The following ANKS1B variants were observed in gnomAD, a reference collection of about 807,000 sequenced individuals.
ANKS1B encodes the protein ankyrin repeat and sterile alpha motif domain containing 1B, also known as ankyrin repeat and sterile alpha motif domain-containing protein 1B.
In ANKS1B, 36 loss-of-function variants were observed where a neutral mutation model predicts 148.3. The observed-to-expected ratio is 0.24, with a 90% CI of 0.19 to 0.32. The LOEUF is 0.32. ANKS1B is among the 10% of genes least tolerant of loss of function. The pLI is 1.00. For missense variants in ANKS1B, 1,157 were observed against 1,542.6 expected, an observed-to-expected ratio of 0.75 and a Z score of 4.19; for synonymous variants, 542 against 560.8, an observed-to-expected ratio of 0.97 and a Z score of 0.47.
chr12:99,265,795 C>T (rs904596619), intron 12 of ANKS1B, among the ~76,000 whole-genome samples: 13 of 152,080 alleles, frequency 8.5e-5, no homozygotes, highest in African/African-American at 2.7e-4. Context: ...CCTCACTGCC[C>T]CCATGTATTT....
Position 99,933,021 on chromosome 12 carries a change from T to C in ANKS1B, c.134+51083A>G, listed in dbSNP as rs532771245. On this transcript the variant is annotated intron_variant, in intron 1 of 26. Transcript: ENST00000683438. Reference sequence around the variant, plus strand: ...CCAGCACCATTTACTGAAGAGACTGTCTTTTTCCCCAATGTACGTTCTGGC... The same window carrying C: ...CCAGCACCATTTACTGAAGAGACTGCCTTTTTCCCCAATGTACGTTCTGGC... 2.6e-5 allele frequency among the ~76,000 whole-genome samples: 4 copies of C among 152,282 alleles called. No individual in the cohort carries two copies. The South Asian group carries it at 8.3e-4, about 32-fold the overall frequency.
intron 8 of ANKS1B, among the ~76,000 whole-genome samples, chr12:99,675,184 T>G (rs1265788035): frequency 6.6e-6 from 1 of 152,014 alleles, no homozygotes; most frequent in African/African-American, 2.4e-5. Flanking sequence ...AAAGAATCTT[T>G]AAAAAGTTTC....
chr12:99,782,580 C>G (rs897976315), intron 4 of ANKS1B, among the ~76,000 whole-genome samples: 2 of 151,994 alleles, frequency 1.3e-5, no homozygotes, highest in Non-Finnish European at 2.9e-5. Context: ...AATAAATAGC[C>G]ATTTGACTTT....
intron 8 of ANKS1B, among the ~76,000 whole-genome samples, chr12:99,739,566 C>G (rs10860501): frequency 0.44 from 66,394 of 151,822 alleles, 14,929 homozygotes; most frequent in South Asian, 0.61. Context: ...AATTAAATAA[C>G]ATGTTCTAAA....
intron 12 of ANKS1B, among the ~76,000 whole-genome samples, chr12:99,261,201 A>G (rs1339827258): frequency 1.3e-5 from 2 of 152,050 alleles, no homozygotes; most frequent in Admixed American, 6.6e-5. Flanking sequence ...CAAAATCTCT[A>G]CCTTCCTGAA....
chr12:99,443,407 A>G (rs2095582656), intron 11 of ANKS1B, among the ~76,000 whole-genome samples: 1 of 151,996 alleles, frequency 6.6e-6, no homozygotes, highest in African/African-American at 2.4e-5. Flanking sequence ...GTTGTGAGAG[A>G]AAAATGATGT....
chr12:98,929,490 A>G (rs1256736192), intron 17 of ANKS1B, among the ~76,000 whole-genome samples: 1 of 152,268 alleles, frequency 6.6e-6, no homozygotes, highest in Non-Finnish European at 1.5e-5. Context: ...AGTAAGAAGA[A>G]CAAAGATGAA....
At chr12:99,818,032 T>C (rs2082086626) in intron 2 of ANKS1B, among the ~76,000 whole-genome samples, 1 of 151,726 alleles carries the variant, frequency 6.6e-6, no homozygotes, top group Non-Finnish European at 1.5e-5. Flanking sequence ...AATACAAAAA[T>C]TCAGTGAAAA....
Position 99,302,550 on chromosome 12 carries a change from C to T in ANKS1B, c.1757-55686G>A, listed in dbSNP as rs76669071. On this transcript the variant is annotated intron_variant, in intron 12 of 26. Coordinates refer to ENST00000683438, the MANE Select transcript of ANKS1B (RefSeq NM_001352186.2). ...GTTATTCAGATTTTTAGACAAGAAA[C>T]GAATGGGGGATTCAGATGACATTGT... 3.4e-3 allele frequency among the ~76,000 whole-genome samples: 518 copies of T among 152,128 alleles called. 33 individuals are homozygous for T. The East Asian group carries it at 0.083, about 24-fold the overall frequency.
At chr12:98,777,527 C>T (rs10777946) in intron 24 of ANKS1B, among the ~76,000 whole-genome samples, 70,364 of 152,052 alleles carry the variant, frequency 0.46, 17,250 homozygotes, top group African/African-American at 0.64. Context: ...AAGAAGGGTC[C>T]GTTACTAAAC....
At chr12:99,890,900 T>C (rs193081340) in intron 1 of ANKS1B, among the ~76,000 whole-genome samples, 1 of 152,176 alleles carries the variant, frequency 6.6e-6, no homozygotes, top group African/African-American at 2.4e-5. Flanking sequence ...AGGTGTTCAT[T>C]GAAAAAAACA....
chr12:99,383,490 T>A (rs1356776177), intron 12 of ANKS1B, among the ~76,000 whole-genome samples: 1 of 152,248 alleles, frequency 6.6e-6, no homozygotes, highest in Non-Finnish European at 1.5e-5. Context: ...TTTCAGTTCC[T>A]TGACCATATC....
chr12:99,636,594 A>C (rs191798075), intron 9 of ANKS1B, among the ~76,000 whole-genome samples: 76 of 152,212 alleles, frequency 5.0e-4, no homozygotes, highest in African/African-American at 1.8e-3. Flanking sequence ...AAAACCAGAA[A>C]ATTTTTTTTA....
chr12:98,931,683 T>A (rs188880628), intron 17 of ANKS1B: 8 of 152,308 alleles, frequency 5.3e-5, no homozygotes, highest in Non-Finnish European at 1.2e-4. Flanking sequence ...TAGACACTTT[T>A]GTGTGTGACA....
Position 99,405,649 on chromosome 12 carries a change from G to T in ANKS1B, c.1576-5838C>A, listed in dbSNP as rs77875882. ...AAGGAGGAGATCACACAAAAAACTAGAAAACAAATAACACAATGGCAGGAT... is the reference window on the plus strand; with the variant it reads ...AAGGAGGAGATCACACAAAAAACTATAAAACAAATAACACAATGGCAGGAT... On this transcript the variant is annotated intron_variant, in intron 11 of 26. Transcript: ENST00000683438. Among the ~76,000 whole-genome samples the T allele has an allele frequency of 8.3e-5, 12 of 144,180 alleles. 3 individuals carry two copies. Among genetic ancestry groups the T allele is most frequent in the African/African-American group, 2.9e-4 (11 of 38,064 alleles). 94.6% of individuals were successfully genotyped at this position (144,180 alleles called of 152,430 possible). A position where few individuals can be genotyped will look rare whatever the true frequency, so the allele number is the denominator to read the frequency against.
intron 1 of ANKS1B, among the ~76,000 whole-genome samples, chr12:99,878,769 T>C (rs1394915640): frequency 6.6e-6 from 1 of 152,146 alleles, no homozygotes; most frequent in African/African-American, 2.4e-5. Context: ...ATTTAACCCT[T>C]TTATTGAATA....
At chr12:99,969,318 A>AT (rs1269496910) in intron 1 of ANKS1B, among the ~76,000 whole-genome samples, 1 of 152,094 alleles carries the variant, frequency 6.6e-6, no homozygotes, top group Non-Finnish European at 1.5e-5. Flanking sequence ...AGCTAGGACT[A>AT]TAGGTATGCG....
chr12:99,888,362 C>T (rs1280634076), intron 1 of ANKS1B, among the ~76,000 whole-genome samples: 1 of 152,150 alleles, frequency 6.6e-6, no homozygotes, highest in Non-Finnish European at 1.5e-5. Flanking sequence ...CAGAAAAGTG[C>T]CTTTTTGTTA....
At chr12:99,832,036 C>T (rs1269942256) in intron 1 of ANKS1B, among the ~76,000 whole-genome samples, 1 of 152,050 alleles carries the variant, frequency 6.6e-6, no homozygotes, top group Non-Finnish European at 1.5e-5. Context: ...ATCAGATGGG[C>T]ACAAATTTTT....
Sources: allele counts gnomAD v4.1 joint callset (sites outside exome capture counted in the v4.1 genomes callset), GRCh38; gene constraint gnomAD v4.1.1; transcripts MANE v1.5; gene names NCBI Gene and HGNC (gene_info 2026-07-23, HGNC 2026-07-21).